The following DPY19L3 variants were observed in gnomAD, a reference collection of about 807,000 sequenced individuals.
DPY19L3 encodes dpy-19 like C-mannosyltransferase 3.
In DPY19L3, 51 loss-of-function variants were observed where a neutral mutation model predicts 92.3. The ratio of observed to expected loss-of-function variants is 0.55; its 90% confidence interval spans 0.44 to 0.70. DPY19L3 has a LOEUF of 0.70. Among genes scored for constraint, DPY19L3 ranks in the 30% least tolerant of loss-of-function variants. DPY19L3 has a pLI of 0.00. For missense variants in DPY19L3, 706 were observed against 855.9 expected (o/e 0.82, Z 2.18); for synonymous variants, 309 against 315.2 (o/e 0.98, Z 0.21).
intron 3 of DPY19L3, among the ~76,000 whole-genome samples, chr19:32,422,976 C>T (rs1361614447): frequency 6.6e-6 from 1 of 152,162 alleles, no homozygotes; most frequent in Non-Finnish European, 1.5e-5. Flanking sequence ...CATTTTAACC[C>T]AGTCATTCCA....
chr19:32,432,876 G>T, intron 4 of DPY19L3, 70 bp downstream of exon 4: 1 of 1,359,532 alleles, frequency 7.4e-7, no homozygotes. Context: ...GAAGTACTGT[G>T]CACTAAAAAC....
chr19:32,464,196 C>G (rs564797009), intron 14 of DPY19L3, among the ~76,000 whole-genome samples: 1 of 151,686 alleles, frequency 6.6e-6, no homozygotes, highest in Admixed American at 6.6e-5. Flanking sequence ...TAGATATGTT[C>G]ATTATACAGA....
Position 32,458,454 on chromosome 19 carries a change from T to C in DPY19L3, c.1267T>C (p.Phe423Leu), listed in dbSNP as rs1969936432. The change falls in exon 12 of 19, where the codon TTC (phenylalanine) becomes CTC (leucine). Residue 423 changes from phenylalanine (F) to leucine (L), a missense_variant. Transcript: ENST00000392250. The part of the protein sequence containing the change: ...SDTLLFYAYI[F>L]VLSITVIVAF... ...TACTCTGCTTTTTTATGCTTACATA[T>C]TCGTTCTGTCCATCACAGTGATTGT... 6.2e-7 allele frequency: 1 copy of C among 1,613,790 alleles called. No homozygotes were observed. Among genetic ancestry groups the C allele is most frequent in the Admixed American group, 1.7e-5 (1 of 60,014 alleles).
At chr19:32,420,559 C>G (rs1337714788) in intron 3 of DPY19L3, among the ~76,000 whole-genome samples, 1 of 152,086 alleles carries the variant, frequency 6.6e-6, no homozygotes, top group Non-Finnish European at 1.5e-5. Flanking sequence ...ATTCTCCTGC[C>G]TCAGCCTCCT....
At chr19:32,451,230 A>G (rs931741668) in intron 8 of DPY19L3, among the ~76,000 whole-genome samples, 6 of 152,244 alleles carry the variant, frequency 3.9e-5, no homozygotes, top group Admixed American at 1.3e-4. Flanking sequence ...ATAGTCACTG[A>G]TGTGAGAAAG....
chr19:32,477,968 C>T (rs1163438129), intron 17 of DPY19L3, among the ~76,000 whole-genome samples: 1 of 152,120 alleles, frequency 6.6e-6, no homozygotes, highest in Non-Finnish European at 1.5e-5. Context: ...GAAACTCCCC[C>T]TTATAAAACC....
At chr19:32,465,337 G>A (rs574336214) in intron 15 of DPY19L3, among the ~76,000 whole-genome samples, 4 of 152,122 alleles carry the variant, frequency 2.6e-5, no homozygotes, top group Non-Finnish European at 5.9e-5. Context: ...CTTTAATTCA[G>A]AGAATTTCTT....
intron 1 of DPY19L3, among the ~76,000 whole-genome samples, chr19:32,406,822 G>T (rs1362017338): frequency 2.0e-5 from 3 of 152,066 alleles, no homozygotes; most frequent in East Asian, 3.9e-4. Flanking sequence ...TAACATATTA[G>T]AATATATGAA....
intron 16 of DPY19L3, among the ~76,000 whole-genome samples, chr19:32,473,188 G>A (rs1398093120): frequency 2.0e-5 from 3 of 152,186 alleles, no homozygotes; most frequent in Non-Finnish European, 4.4e-5. Flanking sequence ...ATTATATAAT[G>A]TAAATCCATT....
At chr19:32,417,064 C>G (rs1266837340) in intron 3 of DPY19L3, among the ~76,000 whole-genome samples, 1 of 152,230 alleles carries the variant, frequency 6.6e-6, no homozygotes, top group Non-Finnish European at 1.5e-5. Context: ...CAAAGACACT[C>G]TCATCACTTA....
rs769244439 is a variant in DPY19L3 at position 32,411,348 on chromosome 19, T to C, written c.213T>C (p.Asn71=). 1.9e-6 allele frequency: 3 copies of C among 1,614,084 alleles called. No homozygotes were observed. The highest frequency in any genetic ancestry group is 2.5e-6 in the Non-Finnish European group (3 of 1,180,006). Residue 71 remains asparagine (N), a synonymous_variant, in exon 3 of 19, where the codon AAT becomes AAC. Transcript: ENST00000392250. ...TSVYLATLHE[N]DLWFSNIKEV... is the part of the protein sequence containing the mutation. ...TCTACCTTGCCACGTTACATGAAAA[T>C]GATTTATGGTTTTCTAATATTAAGG...
chr19:32,474,225 A>G (rs1970438021), intron 16 of DPY19L3, among the ~76,000 whole-genome samples: 1 of 152,270 alleles, frequency 6.6e-6, no homozygotes, highest in South Asian at 2.1e-4. Context: ...GCACTAACAC[A>G]TTAAATAGAT....
At position 32,482,276 on chromosome 19, in the gene DPY19L3, A is replaced by G. The variant is rs1568366314; in HGVS notation, c.*36A>G. The G allele has an allele frequency of 1.3e-6, 2 of 1,594,212 alleles. No homozygotes were observed. The highest frequency in any genetic ancestry group is 4.5e-5 in the East Asian group (2 of 44,700). On this transcript the variant is annotated 3_prime_UTR_variant, in exon 19 of 19. Transcript: ENST00000392250. ...TGCCCAGTGTCTATTTTTGATACGG[A>G]GAAACTGCATCATGATGAAACTCAA...
intron 15 of DPY19L3, chr19:32,467,925 G>A (rs1263527889): frequency 1.0e-6 from 1 of 985,212 alleles, no homozygotes; most frequent in Admixed American, 6.1e-5. Flanking sequence ...TTGACCAGGA[G>A]GCACCAAGTG....
Position 32,408,325 on chromosome 19 carries a change from A to G in DPY19L3, c.72A>G (p.Glu24=), listed in dbSNP as rs1176835123. ...EVSEDFPAQE[E]NVKLENKLPS... ...CTGAAGACTTTCCAGCCCAAGAAGA[A>G]AATGTGAAGTTGGAAAATAAATTGC... The change falls in exon 2 of 19, where the codon GAA becomes GAG. Residue 24 remains glutamate (E), a synonymous_variant. Transcript: ENST00000392250. 6.2e-7 allele frequency: 1 copy of G among 1,613,748 alleles called. No homozygotes were observed. The highest frequency in any genetic ancestry group is 8.5e-7 in the Non-Finnish European group (1 of 1,179,954).
chr19:32,482,891 C>T lies in DPY19L3; in HGVS notation c.*651C>T, dbSNP rs537092816. ...GTGTGTCTGTGTGTGTGCATGTGCA[C>T]ACATGTGTTTTAATGCTGGGCACAG... On this transcript the variant is annotated 3_prime_UTR_variant, in exon 19 of 19. Coordinates refer to ENST00000392250, the MANE Select transcript of DPY19L3 (RefSeq NM_001172774.2). The T allele has an allele frequency of 1.4e-4, 21 of 152,050 alleles. No homozygotes were observed. Among genetic ancestry groups the T allele is most frequent in the African/African-American group, 4.8e-4 (20 of 41,500 alleles). The allele number at this position is 152,050 out of a possible 1,614,324, so 9.4% of individuals were successfully genotyped here.
In DPY19L3 at chr19:32,457,488, A is replaced by G. The variant is rs182383906; in HGVS notation, c.1090-612A>G. 2.2e-3 allele frequency among the ~76,000 whole-genome samples: 334 copies of G among 151,996 alleles called. 3 individuals carry two copies. Among genetic ancestry groups the G allele is most frequent in the African/African-American group, 7.4e-3 (305 of 41,376 alleles). On this transcript the variant is annotated intron_variant, in intron 10 of 18. Transcript: ENST00000392250. The stretch of plus-strand genomic sequence containing the variant: ...AGCTTCATCTTTTCTCCCTGTCTTC[A>G]TTTTTCTTCTAATAAATTTTTTCAC...
At chr19:32,424,441 A>T (rs923028623) in intron 3 of DPY19L3, among the ~76,000 whole-genome samples, 2 of 152,076 alleles carry the variant, frequency 1.3e-5, no homozygotes, top group Non-Finnish European at 2.9e-5. Context: ...CCTGGGCAAC[A>T]TGGTGAAAAC....
rs749277783 is a variant in DPY19L3 at position 32,483,075 on chromosome 19, A to G, written c.*835A>G. On this transcript the variant is annotated 3_prime_UTR_variant, in exon 19 of 19. Coordinates refer to ENST00000392250, the MANE Select transcript of DPY19L3 (RefSeq NM_001172774.2). ...TTTGCTTTATTTCTTACTCATTTCAATTTATTGGGTTTGCAAAATTTTGTA... is the reference window on the plus strand; with the variant it reads ...TTTGCTTTATTTCTTACTCATTTCAGTTTATTGGGTTTGCAAAATTTTGTA... 1.3e-5 allele frequency: 2 copies of G among 152,164 alleles called. No homozygotes were observed. Among genetic ancestry groups the G allele is most frequent in the African/African-American group, 2.4e-5 (1 of 41,430 alleles). 9.4% of individuals were successfully genotyped at this position (152,164 alleles called of 1,614,324 possible). A position where few individuals can be genotyped will look rare whatever the true frequency, so the allele number is the denominator to read the frequency against.
Sources: gnomAD v4.1 joint callset for allele counts (sites outside exome capture counted in the v4.1 genomes callset) on GRCh38, gnomAD v4.1.1 for gene constraint, MANE v1.5 for transcripts, NCBI Gene and HGNC (gene_info 2026-07-23, HGNC 2026-07-21) for gene names.